The following DLGAP1 variants were observed in gnomAD, a reference collection of about 807,000 sequenced individuals.
DLGAP1 encodes the protein DLG associated protein 1.
Under a neutral mutation model 90.8 loss-of-function variants are expected in DLGAP1, and 11 were observed. The observed-to-expected ratio is 0.12, with a 90% CI of 0.08 to 0.20. The LOEUF (loss-of-function observed/expected upper bound fraction) is 0.20, where lower values mean the gene tolerates loss of function less well. Ranked by LOEUF, DLGAP1 falls within the 10% of genes least tolerant of loss-of-function variation. The pLI, the probability that DLGAP1 is intolerant of heterozygous loss-of-function variation, is 1.00. For missense variants in DLGAP1, 1,050 were observed against 1,333.8 expected, an observed-to-expected ratio of 0.79 and a Z score of 3.31; for synonymous variants, 558 against 540.7, an observed-to-expected ratio of 1.03 and a Z score of -0.44.
chr18:3,671,482 A>C (rs567385781), intron 7 of DLGAP1, among the ~76,000 whole-genome samples: 1 of 152,338 alleles, frequency 6.6e-6, no homozygotes, highest in South Asian at 2.1e-4. Context: ...TTGTTAAATA[A>C]GGGAAGGGAT....
chr18:4,314,467 T>C (rs1359452045), intron 1 of DLGAP1, among the ~76,000 whole-genome samples: 1 of 152,250 alleles, frequency 6.6e-6, no homozygotes, highest in African/African-American at 2.4e-5. Context: ...TCCCCTACTA[T>C]GTAAACTTGC....
Position 4,454,304 on chromosome 18 carries a change from C to A in DLGAP1, c.-267+702G>T, listed in dbSNP as rs1189022066. Among the ~76,000 whole-genome samples, 1 of 152,196 alleles carries A rather than the reference C, an allele frequency of 6.6e-6. No individual in the cohort carries two copies. Among genetic ancestry groups the A allele is most frequent in the Non-Finnish European group, 1.5e-5 (1 of 68,040 alleles). On this transcript the variant is annotated intron_variant, in intron 1 of 12. Coordinates refer to ENST00000315677, the MANE Select transcript of DLGAP1 (RefSeq NM_004746.4). This position sits in a 1 kb window ranked among gnomAD's most constrained non-coding sequence, Gnocchi z 4.7. The stretch of plus-strand genomic sequence containing the variant: ...TGGTTCCAGCCCGGCTCATTCAATT[C>A]GCTGAATGTCGGGTCTCCCGGCCCG...
At chr18:3,580,178 G>C in intron 8 of DLGAP1, 1 of 1,423,712 alleles carries the variant, frequency 7.0e-7, no homozygotes, top group Non-Finnish European at 9.9e-7. Flanking sequence ...CAGAAACCCT[G>C]ATTTGAGCCA....
intron 1 of DLGAP1, among the ~76,000 whole-genome samples, chr18:4,216,260 G>C (rs1395285590): frequency 6.7e-6 from 1 of 149,970 alleles, no homozygotes; most frequent in African/African-American, 2.5e-5. Context: ...CATGAGAACA[G>C]CATGAGTGTA....
intron 1 of DLGAP1, among the ~76,000 whole-genome samples, chr18:4,154,701 G>A (rs2076727394): frequency 6.6e-6 from 1 of 152,158 alleles, no homozygotes; most frequent in Admixed American, 6.5e-5. Context: ...TCTGACTTGT[G>A]AAAGTTACCT....
chr18:3,554,892 ACTAT>A (rs2053664118), intron 9 of DLGAP1, among the ~76,000 whole-genome samples: 1 of 152,100 alleles, frequency 6.6e-6, no homozygotes, highest in Admixed American at 6.6e-5. Flanking sequence ...ATTTCTTTGC[ACTAT>A]CTCTTTCTCA....
intron 6 of DLGAP1, among the ~76,000 whole-genome samples, chr18:3,736,245 A>G (rs995297527): frequency 6.6e-6 from 1 of 152,222 alleles, no homozygotes; most frequent in Admixed American, 6.5e-5. Context: ...AAAATATTGG[A>G]CTTTCTATAA....
intron 1 of DLGAP1, among the ~76,000 whole-genome samples, chr18:4,379,394 G>A (rs2082074795): frequency 6.6e-6 from 1 of 152,120 alleles, no homozygotes; most frequent in Admixed American, 6.5e-5. Context: ...TTTTCTTAGA[G>A]AAGCTAATTT....
intron 1 of DLGAP1, among the ~76,000 whole-genome samples, chr18:4,303,857 C>A (rs546352430): frequency 5.3e-5 from 8 of 152,264 alleles, no homozygotes; most frequent in African/African-American, 1.9e-4. Context: ...CCTTGTTGGT[C>A]CTGAAAATCC....
At position 3,499,113 on chromosome 18, in the gene DLGAP1, G is replaced by T; in HGVS notation, c.*72C>A. The T allele has an allele frequency of 7.3e-7, 1 of 1,361,784 alleles. No individual in the cohort carries two copies. The highest frequency in any genetic ancestry group is 9.7e-7 in the Non-Finnish European group (1 of 1,032,404). The allele number at this position is 1,361,784 out of a possible 1,614,324, so 84.4% of individuals were successfully genotyped here. A position where few individuals can be genotyped will look rare whatever the true frequency, so the allele number is the denominator to read the frequency against. On this transcript the variant is annotated 3_prime_UTR_variant, in exon 13 of 13. Coordinates refer to ENST00000315677, the MANE Select transcript of DLGAP1 (RefSeq NM_004746.4). This position sits in a 1 kb window ranked among gnomAD's most constrained non-coding sequence, Gnocchi z 6.4. ...GAGCGGACGGGCTCGGAGGGGGAGA[G>T]GCAGCCGGCAGAGGAGCGGCCGGGG...
intron 2 of DLGAP1, 68 bp downstream of exon 2, chr18:4,151,112 C>T: frequency 6.6e-6 from 1 of 152,152 alleles, no homozygotes; most frequent in Non-Finnish European, 1.5e-5. Flanking sequence ...TATAGGATAG[C>T]TGAAGAGGAA....
intron 5 of DLGAP1, among the ~76,000 whole-genome samples, chr18:3,752,510 T>TCTCC (rs1046135037): frequency 1.4e-5 from 2 of 140,356 alleles, no homozygotes; most frequent in Non-Finnish European, 3.1e-5. Context: ...TCCCTCCCTC[T>TCTCC]CTCCCTCCCT....
At position 3,872,710 on chromosome 18, in the gene DLGAP1, C is replaced by T. The variant is rs560747960; in HGVS notation, c.957+6402G>A. Among the ~76,000 whole-genome samples the T allele has an allele frequency of 2.0e-5, 3 of 152,262 alleles. No homozygotes were observed. In the East Asian group the frequency reaches 5.8e-4, roughly 29 times the overall value. On this transcript the variant is annotated intron_variant, in intron 4 of 12. Transcript: ENST00000315677. ...AATCACTGTGTAAAATTGTGTAATGCCATGATCTCATGTGGGCTAGAGACT... is the reference window on the plus strand; with the variant it reads ...AATCACTGTGTAAAATTGTGTAATGTCATGATCTCATGTGGGCTAGAGACT...
At chr18:4,168,721 T>C (rs1414585417) in intron 1 of DLGAP1, among the ~76,000 whole-genome samples, 3 of 152,194 alleles carry the variant, frequency 2.0e-5, no homozygotes, top group African/African-American at 7.2e-5. Flanking sequence ...TAAACATGTA[T>C]CAGAATTTCA....
chr18:3,835,420 G>A (rs1283094795), intron 4 of DLGAP1, among the ~76,000 whole-genome samples: 1 of 151,968 alleles, frequency 6.6e-6, no homozygotes, highest in East Asian at 1.9e-4. Context: ...GGAGGCTGAG[G>A]GGGCAGATCA....
At chr18:3,629,462 G>A (rs2058436927) in intron 7 of DLGAP1, among the ~76,000 whole-genome samples, 1 of 152,052 alleles carries the variant, frequency 6.6e-6, no homozygotes, top group South Asian at 2.1e-4. Flanking sequence ...ACGAGGTCAG[G>A]AGATCGAGAC....
chr18:3,813,994 C>T (rs1218048260), intron 5 of DLGAP1, 65 bp downstream of exon 5: 2 of 1,519,948 alleles, frequency 1.3e-6, no homozygotes, highest in Non-Finnish European at 1.8e-6. Flanking sequence ...GGAGACACAC[C>T]ATCTGAGCCT....
chr18:4,339,523 A>G (rs2081144449), intron 1 of DLGAP1, among the ~76,000 whole-genome samples: 1 of 152,208 alleles, frequency 6.6e-6, no homozygotes, highest in Non-Finnish European at 1.5e-5. Context: ...AATACAGTCT[A>G]TACAAACTGA....
intron 3 of DLGAP1, among the ~76,000 whole-genome samples, chr18:3,932,412 G>C (rs1041318383): frequency 1.3e-5 from 2 of 152,198 alleles, no homozygotes; most frequent in African/African-American, 4.8e-5. Flanking sequence ...TGGCAGATGG[G>C]AACAACCCCC....
Sources: allele counts gnomAD v4.1 joint callset (sites outside exome capture counted in the v4.1 genomes callset), GRCh38; gene constraint gnomAD v4.1.1; non-coding constraint Gnocchi (gnomAD v3.1); transcripts MANE v1.5; gene names NCBI Gene and HGNC (gene_info 2026-07-23, HGNC 2026-07-21).